HEPH: variants seen among roughly 807,000 people sequenced by gnomAD.
HEPH encodes the protein hephaestin.
A neutral mutation model predicts 80.8 loss-of-function variants in HEPH; 69 were observed. That is an observed-to-expected ratio of 0.85 (90% CI 0.70 to 1.04). The LOEUF is 1.04. HEPH is among the 50% of genes least tolerant of loss of function. The pLI, the probability that HEPH is intolerant of heterozygous loss-of-function variation, is 0.00. For missense variants in HEPH, 1,115 were observed against 891.3 expected, an observed-to-expected ratio of 1.25 and a Z score of -3.20; for synonymous variants, 431 against 322.8, an observed-to-expected ratio of 1.34 and a Z score of -3.60.
chrX:66,245,028 A>T (rs1485699806), intron 15 of HEPH, among the ~76,000 whole-genome samples: 1 of 110,988 alleles, frequency 9.0e-6, no homozygotes, highest in Non-Finnish European at 1.9e-5. Context: ...CCAACTGAGG[A>T]CCAATTGTAA....
chrX:66,171,170 G>A (rs1430830717), intron 2 of HEPH: 1 of 314,872 alleles, frequency 3.2e-6, no homozygotes, highest in Admixed American at 3.4e-5. Flanking sequence ...TAGAATCAAG[G>A]AATTAATGGT....
At position 66,180,185 on chromosome X, in the gene HEPH, TG is replaced by T. The variant is rs760668003; in HGVS notation, c.625+6385del. 2.7e-5 allele frequency among the ~76,000 whole-genome samples: 3 copies of T among 111,293 alleles called. No homozygotes were observed. The East Asian group carries it at 8.4e-4, about 31-fold the overall frequency. ...GTTTTTGCTTTTCAAATTTTATTTT[TG>T]TTTCATAGATCCTGTGTGATTGATT... is the stretch of plus-strand genomic sequence containing the variant. On this transcript the variant is annotated intron_variant, in intron 4 of 20. Coordinates refer to ENST00000343002, the MANE Select transcript of HEPH (RefSeq NM_001367233.3).
At chrX:66,234,792 A>G (rs1415600053) in intron 15 of HEPH, among the ~76,000 whole-genome samples, 1 of 110,384 alleles carries the variant, frequency 9.1e-6, no homozygotes, top group East Asian at 2.8e-4. Flanking sequence ...ACATGCCACC[A>G]CACCTGGCTA....
upstream of HEPH, chrX:66,164,210 G>A (rs1323914280): frequency 8.0e-6 from 6 of 752,041 alleles, no homozygotes; most frequent in African/African-American, 1.2e-4. Flanking sequence ...GAACCATCCC[G>A]GGTTTTGTAT....
chrX:66,239,874 G>A (rs886476388), intron 15 of HEPH, among the ~76,000 whole-genome samples: 2 of 111,816 alleles, frequency 1.8e-5, no homozygotes, highest in African/African-American at 6.5e-5. Flanking sequence ...CTGTCCCTTT[G>A]TTGTCAAGCC....
Position 66,258,856 on chromosome X carries a change from C to A in HEPH, c.2913C>A (p.Leu971=). The part of the protein sequence containing the change: ...SNKMHAINGK[L]YANLRGLTMY... ...TTTTGACAGCAATCAATGGGAAACT[C>A]TATGCCAACCTTAGGGGTCTTACCA... Residue 971 remains leucine, a synonymous_variant, in exon 18 of 21, where the codon CTC becomes CTA. Coordinates refer to ENST00000343002, the MANE Select transcript of HEPH (RefSeq NM_001367233.3). 2 of 1,160,396 alleles carry A rather than the reference C, an allele frequency of 1.7e-6. No individual in the cohort carries two copies. The highest frequency in any genetic ancestry group is 2.3e-6 in the Non-Finnish European group (2 of 872,730).
chrX:66,260,990 A>T (rs777863076), intron 19 of HEPH, among the ~76,000 whole-genome samples: 71 of 110,769 alleles, frequency 6.4e-4, no homozygotes, highest in Non-Finnish European at 1.1e-3. Flanking sequence ...CTGGTTCTAA[A>T]CTCTTGGCCT....
chrX:66,221,566 C>G (rs1268814390), intron 15 of HEPH, among the ~76,000 whole-genome samples: 2 of 112,597 alleles, frequency 1.8e-5, no homozygotes, highest in African/African-American at 6.5e-5. Context: ...ACTTTGGAAA[C>G]CCTGCCTAGT....
intron 15 of HEPH, among the ~76,000 whole-genome samples, chrX:66,247,469 A>G (rs1477434883): frequency 1.8e-5 from 2 of 109,957 alleles, no homozygotes; most frequent in Non-Finnish European, 3.8e-5. Flanking sequence ...CTAGTGAATT[A>G]AAATTTCAAT....
Position 66,266,789 on chromosome X carries a change from G to T in HEPH, c.*117G>T. 1 of 457,646 alleles carries T rather than the reference G, an allele frequency of 2.2e-6. No homozygotes were observed. Among genetic ancestry groups the T allele is most frequent in the East Asian group, 3.7e-5 (1 of 27,074 alleles). 37.7% of individuals were successfully genotyped at this position (457,646 alleles called of 1,213,427 possible). ...CATGGGTGGTGGAGAAGCAGAAGGA[G>T]CAATCAAGCTTATCTGGATATTTCT... On this transcript the variant is annotated 3_prime_UTR_variant, in exon 21 of 21. Transcript: ENST00000343002.
chrX:66,208,151 CTG>C lies in HEPH; in HGVS notation c.2471_2472del (p.Val824GlyfsTer5). 1 of 1,199,176 alleles carries C rather than the reference CTG, an allele frequency of 8.3e-7. No homozygotes were observed. The highest frequency in any genetic ancestry group is 1.1e-6 in the Non-Finnish European group (1 of 885,401). On this transcript the variant is annotated frameshift_variant, in exon 15 of 21. Coordinates refer to ENST00000343002, the MANE Select transcript of HEPH (RefSeq NM_001367233.3). LOFTEE classifies it high-confidence loss of function. ...AAAGGTGAAGTTGGTGATATCCTGA[CTG>C]TGGTATTCAAGAATAATGCCAGCCG...
At chrX:66,231,949 C>T (rs1470152990) in intron 15 of HEPH, among the ~76,000 whole-genome samples, 2 of 110,636 alleles carry the variant, frequency 1.8e-5, no homozygotes, top group East Asian at 5.6e-4. Flanking sequence ...TGAAGTACGT[C>T]CCATGAATAC....
At chrX:66,205,092 T>C (rs897496999) in intron 13 of HEPH, among the ~76,000 whole-genome samples, 3 of 111,711 alleles carry the variant, frequency 2.7e-5, no homozygotes, top group Non-Finnish European at 5.6e-5. Context: ...CCTTTAGTAA[T>C]CCCCAGTGTC....
At chrX:66,176,860 A>T (rs776920586) in intron 4 of HEPH, among the ~76,000 whole-genome samples, 1 of 111,837 alleles carries the variant, frequency 8.9e-6, no homozygotes, top group South Asian at 3.7e-4. Flanking sequence ...GTAGTATTCC[A>T]TGGTGTATAT....
intron 15 of HEPH, among the ~76,000 whole-genome samples, chrX:66,245,794 T>C (rs1215110787): frequency 8.9e-6 from 1 of 112,216 alleles, no homozygotes; most frequent in Non-Finnish European, 1.9e-5. Context: ...CAGACCACAG[T>C]GCAATCAAAC....
chrX:66,186,878 C>G (rs1464539125), intron 4 of HEPH, among the ~76,000 whole-genome samples: 1 of 111,313 alleles, frequency 9.0e-6, no homozygotes, highest in Non-Finnish European at 1.9e-5. Flanking sequence ...TAGGTTTGGT[C>G]ATTTAACATA....
In HEPH at chrX:66,210,342, G is replaced by A. The variant is rs150818385; in HGVS notation, c.2563+2096G>A. 5.9e-4 allele frequency among the ~76,000 whole-genome samples: 66 copies of A among 111,902 alleles called. 1 individual carries two copies. In the East Asian group the frequency reaches 0.013, roughly 23 times the overall value. On this transcript the variant is annotated intron_variant, in intron 15 of 20. Coordinates refer to ENST00000343002, the MANE Select transcript of HEPH (RefSeq NM_001367233.3). Reference sequence around the variant, plus strand: ...TATTAGAATGTATTAGAGAGTAATCGGGAGATAAGAGATTGAAAACAGTGA... The same window carrying A: ...TATTAGAATGTATTAGAGAGTAATCAGGAGATAAGAGATTGAAAACAGTGA...
intron 15 of HEPH, among the ~76,000 whole-genome samples, chrX:66,244,783 G>A (rs2090737637): frequency 9.0e-6 from 1 of 110,874 alleles, no homozygotes; most frequent in Non-Finnish European, 1.9e-5. Context: ...TGTGTAGGCT[G>A]ATGTTCCTTC....
chrX:66,162,761 CTGAA>C (rs2086234528), upstream of HEPH: 1 of 1,153,745 alleles, frequency 8.7e-7, no homozygotes, highest in African/African-American at 1.8e-5. Flanking sequence ...CCTCAGTCTT[CTGAA>C]TGTTCTCTTC....
Sources: allele counts gnomAD v4.1 joint callset (sites outside exome capture counted in the v4.1 genomes callset), GRCh38; gene constraint gnomAD v4.1.1; transcripts MANE v1.5; gene names NCBI Gene and HGNC (gene_info 2026-07-23, HGNC 2026-07-21).